Variants in FAM169A observed in about 807,000 individuals in gnomAD.
FAM169A encodes family with sequence similarity 169 member A.
Under a neutral mutation model 75.7 loss-of-function variants are expected in FAM169A, and 24 were observed. That is an observed-to-expected ratio of 0.32 (90% CI 0.23 to 0.45). FAM169A has a LOEUF of 0.45. FAM169A is among the 20% of genes least tolerant of loss of function. The pLI is 1.00. For missense variants in FAM169A, 673 were observed against 784.0 expected (o/e 0.86, Z 1.69); for synonymous variants, 271 against 271.0 (o/e 1.00, Z 0.00).
intron 10 of FAM169A, among the ~76,000 whole-genome samples, chr5:74,798,015 T>C (rs1004815217): frequency 3.3e-5 from 5 of 152,248 alleles, no homozygotes; most frequent in Non-Finnish European, 5.9e-5. Context: ...CAGGCCATAG[T>C]TGGTGGACCT....
At chr5:74,797,228 G>A (rs1208947685) in intron 10 of FAM169A, among the ~76,000 whole-genome samples, 2 of 152,224 alleles carry the variant, frequency 1.3e-5, no homozygotes. Flanking sequence ...CTACGCTGGA[G>A]TGCAGTGGCG....
chr5:74,815,463 G>A (rs540107560), intron 5 of FAM169A, among the ~76,000 whole-genome samples: 11 of 152,154 alleles, frequency 7.2e-5, no homozygotes, highest in South Asian at 2.1e-4. Flanking sequence ...AAGTGCTAGC[G>A]TGAGCCACTG....
Position 74,783,023 on chromosome 5 carries a change from A to G in FAM169A, c.1372T>C (p.Leu458=), listed in dbSNP as rs1444698920. The G allele has an allele frequency of 6.2e-7, 1 of 1,613,422 alleles. No homozygotes were observed. The stretch of plus-strand genomic sequence containing the variant: ...TCTTCACTGGAATTAAAAGGCTGCA[A>G]TTTTAATTCTTCATCTAAAACTTCA... ...TSEVLDEELK[L]QPFNSSEDST... is the part of the protein sequence containing the mutation. The change falls in exon 12 of 13, where the codon TTG becomes CTG. Residue 458 remains leucine, a synonymous_variant. Coordinates refer to ENST00000687041, the MANE Select transcript of FAM169A (RefSeq NM_001376049.1).
rs559213044 is a variant in FAM169A at position 74,863,672 on chromosome 5, T to C, written c.-4+2493A>G. 5.3e-5 allele frequency among the ~76,000 whole-genome samples: 8 copies of C among 152,296 alleles called. No individual in the cohort carries two copies. The South Asian group carries it at 1.7e-3, about 32-fold the overall frequency. On this transcript the variant is annotated intron_variant, in intron 1 of 12. Transcript: ENST00000687041. ...AGGTAGGAGCTAATAGAGAAAAATA[T>C]TCGATTTTTCTTTTCAATTTCTCAA...
chr5:74,780,759 C>T lies in FAM169A; in HGVS notation c.*701G>A, dbSNP rs989552765. On this transcript the variant is annotated 3_prime_UTR_variant, in exon 13 of 13. Transcript: ENST00000687041. ...AATGAAATTTTAAATAATTAGTCCC[C>T]ACATGCCACAGTTAAATCCCTGACA... 2.0e-5 allele frequency: 3 copies of T among 152,142 alleles called. No homozygotes were observed. The highest frequency in any genetic ancestry group is 7.2e-5 in the African/African-American group (3 of 41,446). The allele number at this position is 152,142 out of a possible 1,614,324, so 9.4% of individuals were successfully genotyped here. A position where few individuals can be genotyped will look rare whatever the true frequency, so the allele number is the denominator to read the frequency against.
intron 4 of FAM169A, 40 bp downstream of exon 4, chr5:74,838,925 G>T: frequency 1.5e-6 from 2 of 1,344,274 alleles, no homozygotes; most frequent in Non-Finnish European, 2.1e-6. Flanking sequence ...ACTGTGAAAT[G>T]GCCTCAAAAG....
At chr5:74,801,089 T>C (rs1746549321) in intron 9 of FAM169A, 59 bp from the exon 10 acceptor site, 1 of 1,313,650 alleles carries the variant, frequency 7.6e-7, no homozygotes, top group Non-Finnish European at 1.0e-6. Context: ...GGACTACCTA[T>C]TAAAATACAC....
At chr5:74,846,456 G>C (rs969737034) in intron 1 of FAM169A, among the ~76,000 whole-genome samples, 1 of 152,184 alleles carries the variant, frequency 6.6e-6, no homozygotes, top group African/African-American at 2.4e-5. Context: ...AAGTTCACAA[G>C]TGATTTCTTT....
intron 8 of FAM169A, among the ~76,000 whole-genome samples, chr5:74,802,742 A>T (rs958398180): frequency 2.6e-5 from 4 of 152,176 alleles, no homozygotes. Flanking sequence ...ATGCTTACTA[A>T]AACTCCACAA....
At chr5:74,815,394 T>A (rs1747420152) in intron 5 of FAM169A, among the ~76,000 whole-genome samples, 1 of 152,102 alleles carries the variant, frequency 6.6e-6, no homozygotes, top group Non-Finnish European at 1.5e-5. Context: ...TTTCACCATG[T>A]TGACTAGGCT....
intron 11 of FAM169A, among the ~76,000 whole-genome samples, chr5:74,794,090 C>A (rs1746126861): frequency 6.6e-6 from 1 of 150,946 alleles, no homozygotes; most frequent in Non-Finnish European, 1.5e-5. Context: ...TGCCTGTAAT[C>A]CCAGCACTTT....
At chr5:74,791,779 G>GA (rs201113565) in intron 11 of FAM169A, among the ~76,000 whole-genome samples, 2,466 of 150,962 alleles carry the variant, frequency 0.016, 16 homozygotes, top group Admixed American at 0.024. Flanking sequence ...ACTCCACTAG[G>GA]AAAAAAAAAC....
At chr5:74,792,560 G>C (rs1326840959) in intron 11 of FAM169A, among the ~76,000 whole-genome samples, 6 of 152,102 alleles carry the variant, frequency 3.9e-5, no homozygotes. Flanking sequence ...CCACCTTGCA[G>C]ATGGCCTACT....
At chr5:74,846,110 G>T (rs953479520) in intron 1 of FAM169A, among the ~76,000 whole-genome samples, 2 of 152,124 alleles carry the variant, frequency 1.3e-5, no homozygotes, top group African/African-American at 4.8e-5. Flanking sequence ...TATCCAAATT[G>T]TATCAAAGAC....
At chr5:74,799,826 C>T in intron 10 of FAM169A, 1 of 1,063,770 alleles carries the variant, frequency 9.4e-7, no homozygotes, top group Non-Finnish European at 1.5e-6. Flanking sequence ...ATGACCGTGG[C>T]TGCCTGACCT....
chr5:74,841,262 T>C (rs1282161450), intron 2 of FAM169A, among the ~76,000 whole-genome samples: 1 of 152,184 alleles, frequency 6.6e-6, no homozygotes, highest in Non-Finnish European at 1.5e-5. Context: ...ATTCCAAATC[T>C]AAAGTAAATC....
chr5:74,866,356 G>A lies in FAM169A; in HGVS notation c.-195C>T. 4.1e-6 allele frequency: 4 copies of A among 984,394 alleles called. No individual in the cohort carries two copies. The highest frequency in any genetic ancestry group is 4.8e-6 in the Non-Finnish European group (4 of 829,594). The allele number at this position is 984,394 out of a possible 1,614,324, so 61.0% of individuals were successfully genotyped here. A position where few individuals can be genotyped will look rare whatever the true frequency, so the allele number is the denominator to read the frequency against. On this transcript the variant is annotated 5_prime_UTR_variant, in exon 1 of 13. Coordinates refer to ENST00000687041, the MANE Select transcript of FAM169A (RefSeq NM_001376049.1). ...GGCTCCTCGTCGCGGGTCGGCCGCG[G>A]CCCACCGTGCCCTCCGACGACGTGA...
chr5:74,833,098 T>C (rs1748399970), intron 5 of FAM169A, among the ~76,000 whole-genome samples: 1 of 152,090 alleles, frequency 6.6e-6, no homozygotes, highest in Admixed American at 6.6e-5. Context: ...TTGTGTGTCT[T>C]TCATAGAAAG....
intron 4 of FAM169A, among the ~76,000 whole-genome samples, chr5:74,837,461 G>T (rs58184895): frequency 0.085 from 12,937 of 152,164 alleles, 687 homozygotes; most frequent in East Asian, 0.16. Flanking sequence ...ATATCCAAAA[G>T]TTACTAATAC....
Sources: gnomAD v4.1 joint callset for allele counts (sites outside exome capture counted in the v4.1 genomes callset) on GRCh38, gnomAD v4.1.1 for gene constraint, MANE v1.5 for transcripts, NCBI Gene and HGNC (gene_info 2026-07-23, HGNC 2026-07-21) for gene names.